NDUFA10: variants seen among roughly 807,000 people sequenced by gnomAD.
NDUFA10 encodes the protein NADH dehydrogenase [ubiquinone] 1 alpha subcomplex subunit 10, mitochondrial.
In NDUFA10, 40 loss-of-function variants were observed where a neutral mutation model predicts 47.8. The observed-to-expected ratio is 0.84, with a 90% CI of 0.65 to 1.09. The LOEUF (loss-of-function observed/expected upper bound fraction) is 1.09. Ranked by LOEUF, NDUFA10 falls within the 50% of genes least tolerant of loss-of-function variation. The pLI is 0.00. For missense variants in NDUFA10, 413 were observed against 451.1 expected (o/e 0.92, Z 0.76); for synonymous variants, 183 against 172.2 (o/e 1.06, Z -0.49).
At chr2:239,925,481 AGAAAT>A (rs1409370928) in intron 4 of NDUFA10, among the ~76,000 whole-genome samples, 1 of 152,238 alleles carries the variant, frequency 6.6e-6, no homozygotes, top group Non-Finnish European at 1.5e-5. Context: ...CATTGGCAAA[AGAAAT>A]GAACTGCGAC....
rs1485274299 is a variant in NDUFA10, at chr2:239,928,906, G to A, written c.295-33592C>T. On this transcript the variant is annotated intron_variant, in intron 4 of 5. Transcript: ENST00000419408. This position sits in a 1 kb window ranked among gnomAD's most constrained non-coding sequence, Gnocchi z 4.3. ...CCCAGCCTTGACTCCGAAACGCTTTGTCTCCCATCGCCCCGCGGCCACCCG... is the reference window on the plus strand; with the variant it reads ...CCCAGCCTTGACTCCGAAACGCTTTATCTCCCATCGCCCCGCGGCCACCCG... 6.6e-6 allele frequency among the ~76,000 whole-genome samples: 1 copy of A among 152,164 alleles called. No homozygotes were observed. The highest frequency in any genetic ancestry group is 1.5e-5 in the Non-Finnish European group (1 of 68,026).
rs181342791 is a variant in NDUFA10 at position 240,005,510 on chromosome 2, C to T, written c.805-215G>A. On this transcript the variant is annotated intron_variant, in intron 7 of 9. Transcript: ENST00000252711. ...TTGCTGGGACTACAGGCATATGCCA[C>T]CACACCTGGCTGATGTTTGTATTTT... is the stretch of plus-strand genomic sequence containing the variant. Among the ~76,000 whole-genome samples, 49 of 152,140 alleles carry T rather than the reference C, an allele frequency of 3.2e-4. No individual in the cohort carries two copies. The East Asian group carries it at 8.9e-3, about 28-fold the overall frequency.
Position 240,021,224 on chromosome 2 carries a change from CT to C in NDUFA10, c.432del (p.Asp145MetfsTer7), listed in dbSNP as rs1697604430. On this transcript the variant is annotated frameshift_variant, in exon 3 of 10. Transcript: ENST00000252711. LOFTEE classifies it high-confidence loss of function. ...GTGGTCAGCAAGTGCTCCAAGGCAT[CT>C]GAGTACTGCAGCAGGCGACTGCTGT... ...WLYSSRLLQY[S>X]DALEHLLTTG... 1 of 1,614,072 alleles carries C rather than the reference CT, an allele frequency of 6.2e-7. No individual in the cohort carries two copies.
Position 240,014,740 on chromosome 2 carries a change from TCTC to T in NDUFA10, c.665_667del (p.Gly222del). 1 of 1,614,096 alleles carries T rather than the reference TCTC, an allele frequency of 6.2e-7. No homozygotes were observed. Among genetic ancestry groups the T allele is most frequent in the Non-Finnish European group, 8.5e-7 (1 of 1,180,010 alleles). ...GCCTTTGATTGAAAACTGCATTACA[TCTC>T]CTTTCTTCTGAATCCGCCTCTGGAC... is the stretch of plus-strand genomic sequence containing the variant. On this transcript the variant is annotated inframe_deletion and splice_region_variant, in exon 5 of 10. Transcript: ENST00000252711.
chr2:239,938,805 G>A (rs1235230719), intron 4 of NDUFA10, among the ~76,000 whole-genome samples: 1 of 152,230 alleles, frequency 6.6e-6, no homozygotes, highest in African/African-American at 2.4e-5. Context: ...ACGGCACAGA[G>A]AAGACGGCGC....
At chr2:239,901,074 G>C (rs1693538022) in intron 4 of NDUFA10, among the ~76,000 whole-genome samples, 1 of 152,210 alleles carries the variant, frequency 6.6e-6, no homozygotes, top group African/African-American at 2.4e-5. Context: ...AGTCAATGCA[G>C]GGCTTCAAAG....
intron 5 of NDUFA10, among the ~76,000 whole-genome samples, chr2:239,893,861 CCGTCCT>C (rs1479187195): frequency 2.6e-5 from 4 of 151,284 alleles, no homozygotes; most frequent in South Asian, 2.1e-4. Context: ...TCCCTGCCTC[CCGTCCT>C]CAGTTCTATC....
At position 239,958,735 on chromosome 2, in the gene NDUFA10, G is replaced by A. The variant is rs1694729496; in HGVS notation, c.*2383C>T. ...TAACAATTTGGTTTTAACAGTTGAT[G>A]GAACAGAAAGATACGTTAGAAAAAA... is the stretch of plus-strand genomic sequence containing the variant. On this transcript the variant is annotated 3_prime_UTR_variant, in exon 10 of 10. Transcript: ENST00000252711. The A allele has an allele frequency of 5.4e-6, 1 of 184,928 alleles. No individual in the cohort carries two copies. Among genetic ancestry groups the A allele is most frequent in the Admixed American group, 6.5e-5 (1 of 15,328 alleles). The allele number at this position is 184,928 out of a possible 1,614,324, so 11.5% of individuals were successfully genotyped here. A position where few individuals can be genotyped will look rare whatever the true frequency, so the allele number is the denominator to read the frequency against.
At chr2:239,915,388 CACAT>C (rs1454234718) in intron 4 of NDUFA10, among the ~76,000 whole-genome samples, 5 of 129,446 alleles carry the variant, frequency 3.9e-5, no homozygotes, top group South Asian at 2.5e-4. Context: ...GACAGAGATA[CACAT>C]ACATACACAC....
At chr2:239,972,918 A>C (rs977006101) in intron 9 of NDUFA10, among the ~76,000 whole-genome samples, 7 of 152,198 alleles carry the variant, frequency 4.6e-5, no homozygotes, top group Non-Finnish European at 8.8e-5. Context: ...AGGGCACTTG[A>C]TTTTCCAGAT....
chr2:239,910,586 A>G (rs776512503), intron 4 of NDUFA10, among the ~76,000 whole-genome samples: 2 of 152,096 alleles, frequency 1.3e-5, no homozygotes, highest in Non-Finnish European at 2.9e-5. Context: ...AAGGGAGAGG[A>G]TCAGGAAGAG....
At chr2:239,929,463 T>A (rs972642392) in intron 4 of NDUFA10, among the ~76,000 whole-genome samples, 2 of 152,192 alleles carry the variant, frequency 1.3e-5, no homozygotes, top group Non-Finnish European at 2.9e-5. Flanking sequence ...AAATAAGCCA[T>A]GGCAGTGTTT....
At chr2:239,931,791 G>A (rs569171836) in intron 4 of NDUFA10, among the ~76,000 whole-genome samples, 1 of 149,586 alleles carries the variant, frequency 6.7e-6, no homozygotes, top group Admixed American at 6.6e-5. Context: ...CACACTCACA[G>A]TACTGGGCTC....
chr2:240,002,696 T>C (rs7567741), intron 8 of NDUFA10, among the ~76,000 whole-genome samples: 106,000 of 151,908 alleles, frequency 0.7, 37,336 homozygotes, highest in African/African-American at 0.79. Flanking sequence ...GTGCCTACCT[T>C]GCTCACCCTT....
Position 240,017,971 on chromosome 2 carries a change from T to A in NDUFA10, c.547+582A>T, listed in dbSNP as rs532757736. On this transcript the variant is annotated intron_variant, in intron 4 of 9. Coordinates refer to ENST00000252711, the MANE Select transcript of NDUFA10 (RefSeq NM_004544.4). The stretch of plus-strand genomic sequence containing the variant: ...CTATTCAACCCACCGCCCAACACAG[T>A]CCTAGTCACAGACACCCCAACCCCA... 198 of 1,367,726 alleles carry A rather than the reference T, an allele frequency of 1.4e-4. No individual in the cohort carries two copies. The African/African-American group carries it at 2.7e-3, about 19-fold the overall frequency. 84.7% of individuals were successfully genotyped at this position (1,367,726 alleles called of 1,614,324 possible). A position where few individuals can be genotyped will look rare whatever the true frequency, so the allele number is the denominator to read the frequency against.
chr2:239,924,840 C>T (rs1163272001), intron 4 of NDUFA10, among the ~76,000 whole-genome samples: 2 of 152,080 alleles, frequency 1.3e-5, no homozygotes, highest in Non-Finnish European at 2.9e-5. Context: ...ATTCTTAGAA[C>T]TAATGCGTGT....
chr2:239,971,106 T>A (rs1695287384), intron 9 of NDUFA10, among the ~76,000 whole-genome samples: 1 of 152,236 alleles, frequency 6.6e-6, no homozygotes, highest in Non-Finnish European at 1.5e-5. Context: ...AGAACTACAG[T>A]AATGAAAGAA....
At chr2:240,004,473 C>A (rs1011354844) in intron 8 of NDUFA10, among the ~76,000 whole-genome samples, 1 of 152,102 alleles carries the variant, frequency 6.6e-6, no homozygotes, top group South Asian at 2.1e-4. Flanking sequence ...ACCCACCAAA[C>A]GCACCAAGAC....
intron 4 of NDUFA10, among the ~76,000 whole-genome samples, chr2:239,917,089 C>T (rs925830500): frequency 1.3e-5 from 2 of 152,136 alleles, no homozygotes; most frequent in African/African-American, 4.8e-5. Context: ...GGCAGGAATG[C>T]CTGGGGGTGG....
Sources: allele counts gnomAD v4.1 joint callset (sites outside exome capture counted in the v4.1 genomes callset), GRCh38; gene constraint gnomAD v4.1.1; non-coding constraint Gnocchi (gnomAD v3.1); transcripts MANE v1.5; gene names NCBI Gene and HGNC (gene_info 2026-07-23, HGNC 2026-07-21).